The following NDUFB9 variants were observed in gnomAD, a reference collection of about 807,000 sequenced individuals.
The protein encoded by NDUFB9 is NADH:ubiquinone oxidoreductase subunit B9.
A neutral mutation model predicts 30.2 loss-of-function variants in NDUFB9; 24 were observed. That is an observed-to-expected ratio of 0.80 (90% CI 0.58 to 1.12). The LOEUF is 1.12. Ranked by LOEUF, NDUFB9 falls within the 50% of genes most tolerant of loss-of-function variation. The pLI is 0.00. For missense variants in NDUFB9, 204 were observed against 226.0 expected, an observed-to-expected ratio of 0.90 and a Z score of 0.62; for synonymous variants, 80 against 84.0, an observed-to-expected ratio of 0.95 and a Z score of 0.26.
At chr8:124,542,807 C>CTTTTTT (rs58685573) in intron 1 of NDUFB9, 390 of 203,938 alleles carry the variant, frequency 1.9e-3, no homozygotes, top group East Asian at 2.4e-3. Context: ...ATGCTCTTTT[C>CTTTTTT]TTTTTTTTTT....
intron 1 of NDUFB9, among the ~76,000 whole-genome samples, chr8:124,541,997 C>G (rs928137081): frequency 2.0e-5 from 3 of 150,628 alleles, no homozygotes; most frequent in Non-Finnish European, 3.0e-5. Context: ...CTCACTGCAA[C>G]CTCTGCCTCC....
chr8:124,539,492 G>A (rs759911540), intron 1 of NDUFB9: 15 of 579,338 alleles, frequency 2.6e-5, no homozygotes, highest in Non-Finnish European at 3.1e-5. Context: ...TGCTTGTCGG[G>A]TCTGGGCGTC....
At chr8:124,544,752 G>GC (rs1194444827) in intron 2 of NDUFB9, among the ~76,000 whole-genome samples, 1 of 152,204 alleles carries the variant, frequency 6.6e-6, no homozygotes, top group Admixed American at 6.5e-5. Flanking sequence ...CCATTCTGCA[G>GC]CCCATGGATC....
At chr8:124,542,966 A>G in intron 1 of NDUFB9, 121 bp from the exon 2 acceptor site, 1 of 961,526 alleles carries the variant, frequency 1.0e-6, no homozygotes, top group Non-Finnish European at 1.6e-6. Context: ...CTCCATTGGG[A>G]GGGTTGGGGT....
chr8:124,542,272 G>T (rs1035550736), intron 1 of NDUFB9, among the ~76,000 whole-genome samples: 3 of 151,910 alleles, frequency 2.0e-5, no homozygotes, highest in African/African-American at 7.3e-5. Flanking sequence ...GGCTTGTCTT[G>T]AACTCCAGAC....
chr8:124,545,823 C>T (rs972437998), intron 2 of NDUFB9, among the ~76,000 whole-genome samples: 5 of 152,082 alleles, frequency 3.3e-5, no homozygotes, highest in African/African-American at 9.7e-5. Flanking sequence ...GCCACCTCAC[C>T]CAACCAATAA....
At chr8:124,539,337 G>C (rs902274444) in intron 1 of NDUFB9, 50 bp downstream of exon 1, 2 of 1,561,904 alleles carry the variant, frequency 1.3e-6, no homozygotes, top group Non-Finnish European at 1.8e-6. Context: ...GGGGCCCCAT[G>C]GAGGTGGAGA....
At chr8:124,547,226 T>C in intron 3 of NDUFB9, 113 bp downstream of exon 3, 1 of 795,930 alleles carries the variant, frequency 1.3e-6, no homozygotes, top group Non-Finnish European at 2.2e-6. Context: ...GGCCCTTGCT[T>C]CTCAGATATA....
intron 2 of NDUFB9, among the ~76,000 whole-genome samples, chr8:124,544,375 A>G (rs1287034876): frequency 6.6e-6 from 1 of 152,228 alleles, no homozygotes; most frequent in Non-Finnish European, 1.5e-5. Context: ...TCTGGCTAAG[A>G]TAGTTGATGA....
At chr8:124,541,465 A>G (rs1465692204) in intron 1 of NDUFB9, among the ~76,000 whole-genome samples, 1 of 152,206 alleles carries the variant, frequency 6.6e-6, no homozygotes, top group African/African-American at 2.4e-5. Context: ...TTAGTAACTG[A>G]CATTATTTAA....
At chr8:124,548,490 C>T (rs1006047924) in intron 3 of NDUFB9, among the ~76,000 whole-genome samples, 10 of 151,986 alleles carry the variant, frequency 6.6e-5, no homozygotes, top group African/African-American at 2.4e-4. Flanking sequence ...AGTCATGAGG[C>T]GAGGAAGAGC....
chr8:124,547,480 T>C (rs1389523349), intron 3 of NDUFB9: 1 of 563,074 alleles, frequency 1.8e-6, no homozygotes, highest in Non-Finnish European at 3.2e-6. Context: ...AATCTTGCTG[T>C]AGTGTGAAGA....
chr8:124,547,312 T>C lies in NDUFB9; in HGVS notation c.408+199T>C, dbSNP rs550300068. The C allele has an allele frequency of 7.6e-6, 5 of 658,450 alleles. No homozygotes were observed. The African/African-American group carries it at 9.0e-5, about 12-fold the overall frequency. The allele number at this position is 658,450 out of a possible 1,614,324, so 40.8% of individuals were successfully genotyped here. A position where few individuals can be genotyped will look rare whatever the true frequency, so the allele number is the denominator to read the frequency against. ...AGTTAAAGTGCATTCCCTGGTCGTT[T>C]TGGCTTTGTCTTTGATTTTGCTTCA... On this transcript the variant is annotated intron_variant, in intron 3 of 3. Transcript: ENST00000276689.
Position 124,542,313 on chromosome 8 carries a change from A to G in NDUFB9, c.102-774A>G, listed in dbSNP as rs189972854. On this transcript the variant is annotated intron_variant, in intron 1 of 3. Transcript: ENST00000276689. ...GTGATCCACACGCCTTGGCCTCCCA[A>G]CGTGCTGGGATTACAGGTGTGAGCC... Among the ~76,000 whole-genome samples the G allele has an allele frequency of 1.3e-4, 20 of 152,292 alleles. No individual in the cohort carries two copies. In the East Asian group the frequency reaches 2.9e-3, roughly 22 times the overall value.
At chr8:124,545,957 C>G (rs1180209372) in intron 2 of NDUFB9, among the ~76,000 whole-genome samples, 1 of 152,188 alleles carries the variant, frequency 6.6e-6, no homozygotes, top group African/African-American at 2.4e-5. Context: ...ATTCTCCTAC[C>G]TCAGTCTCCC....
chr8:124,547,454 A>C (rs1313581894), intron 3 of NDUFB9: 1 of 586,230 alleles, frequency 1.7e-6, no homozygotes, highest in Non-Finnish European at 3.0e-6. Flanking sequence ...ATGGTCAGTT[A>C]TATTTTTAAA....
rs1300859169 is a variant in NDUFB9 at position 124,549,915 on chromosome 8, A to G, written c.*23A>G. The G allele has an allele frequency of 3.7e-6, 6 of 1,614,100 alleles. No homozygotes were observed. Among genetic ancestry groups the G allele is most frequent in the South Asian group, 1.1e-5 (1 of 91,070 alleles). ...TAGAAAGAGAGAGACCTCATCTTTCATGCTTGCAAGTGAAATATGTTACAG... is the reference window on the plus strand; with the variant it reads ...TAGAAAGAGAGAGACCTCATCTTTCGTGCTTGCAAGTGAAATATGTTACAG... On this transcript the variant is annotated 3_prime_UTR_variant, in exon 4 of 4. Transcript: ENST00000276689.
At chr8:124,541,728 C>G (rs1285903789) in intron 1 of NDUFB9, among the ~76,000 whole-genome samples, 1 of 151,806 alleles carries the variant, frequency 6.6e-6, no homozygotes, top group African/African-American at 2.4e-5. Context: ...CTCAGTCTCC[C>G]GAGTAGCTGG....
At chr8:124,548,222 CAG>C (rs759852914) in intron 3 of NDUFB9, among the ~76,000 whole-genome samples, 1 of 152,032 alleles carries the variant, frequency 6.6e-6, no homozygotes, top group Non-Finnish European at 1.5e-5. Context: ...GGCCTAGAAA[CAG>C]AAACGTGGGA....
Sources: gnomAD v4.1 joint callset for allele counts (sites outside exome capture counted in the v4.1 genomes callset) on GRCh38, gnomAD v4.1.1 for gene constraint, MANE v1.5 for transcripts, NCBI Gene and HGNC (gene_info 2026-07-23, HGNC 2026-07-21) for gene names.